PCDHA10: variants seen among roughly 807,000 people sequenced by gnomAD.
PCDHA10 encodes the protein protocadherin alpha-10.
Under a neutral mutation model 61.2 loss-of-function variants are expected in PCDHA10, and 45 were observed. The ratio of observed to expected loss-of-function variants is 0.74; its 90% CI spans 0.58 to 0.94. PCDHA10 has a LOEUF of 0.94. PCDHA10 is among the 40% of genes least tolerant of loss of function. PCDHA10 has a pLI of 0.00. For synonymous variants in PCDHA10, 602 were observed against 548.8 expected (o/e 1.10, Z -1.35); for missense variants, 1,278 against 1,236.2 (o/e 1.03, Z -0.51).
chr5:140,856,807 T>G lies in PCDHA10; in HGVS notation c.759T>G (p.Asn253Lys). The change falls in exon 1 of 4, where the codon AAT (asparagine) becomes AAG (lysine). Residue 253 changes from asparagine (N) to lysine (K), a missense_variant. By Grantham distance (94) the Asn-to-Lys change is moderately conservative (BLOSUM62 0). Transcript: ENST00000307360. Reference sequence around the variant, plus strand: ...TTTATGAAGTTAAGATGTATGAAAATCAAGTGAACCAAACATTAGTAATAC... The same window carrying G: ...TTTATGAAGTTAAGATGTATGAAAAGCAAGTGAACCAAACATTAGTAATAC... ...RPVYEVKMYE[N>K]QVNQTLVIRL... 1 of 1,594,936 alleles carries G rather than the reference T, an allele frequency of 6.3e-7. No individual in the cohort carries two copies. Among genetic ancestry groups the G allele is most frequent in the African/African-American group, 1.3e-5 (1 of 74,230 alleles).
At chr5:140,966,490 T>G (rs533525977) in intron 1 of PCDHA10, 2 of 437,964 alleles carry the variant, frequency 4.6e-6, no homozygotes, top group Non-Finnish European at 7.9e-6. Flanking sequence ...TCCCTCCCCC[T>G]GGAGCTGTAG....
At chr5:140,878,806 G>A (rs1413152690) in intron 1 of PCDHA10, among the ~76,000 whole-genome samples, 1 of 152,144 alleles carries the variant, frequency 6.6e-6, no homozygotes, top group African/African-American at 2.4e-5. Context: ...AAAAACATAT[G>A]GGGGTCTTGC....
intron 1 of PCDHA10, among the ~76,000 whole-genome samples, chr5:140,881,772 C>A (rs1253242879): frequency 6.6e-6 from 1 of 152,200 alleles, no homozygotes; most frequent in Admixed American, 6.5e-5. Context: ...CATGACTATG[C>A]AGAACTACCG....
Position 140,857,282 on chromosome 5 carries a change from C to T in PCDHA10, c.1234C>T (p.Leu412=). ...CTACTCATTGGTGCTGGACAGCGCT[C>T]TGGACCGCGAGAGGGTGTCGGCCTA... ...NYYSLVLDSA[L]DRERVSAYEL... is the part of the protein sequence containing the mutation. The change falls in exon 1 of 4, where the codon CTG becomes TTG. Residue 412 remains leucine, a synonymous_variant. Transcript: ENST00000307360. 6.3e-7 allele frequency: 1 copy of T among 1,598,744 alleles called. No homozygotes were observed. The highest frequency in any genetic ancestry group is 8.6e-7 in the Non-Finnish European group (1 of 1,168,058).
chr5:140,962,512 AATAAT>A (rs2095688598), intron 1 of PCDHA10, among the ~76,000 whole-genome samples: 1 of 152,184 alleles, frequency 6.6e-6, no homozygotes, highest in Admixed American at 6.5e-5. Flanking sequence ...GCCAACTATC[AATAAT>A]ATATTAGTTT....
rs186179297 is a variant in PCDHA10, at chr5:140,987,139, G to A, written c.2536+4576G>A. Among the ~76,000 whole-genome samples the A allele has an allele frequency of 5.1e-4, 78 of 151,932 alleles. 3 individuals are homozygous for A. The East Asian group carries it at 0.014, about 28-fold the overall frequency. On this transcript the variant is annotated intron_variant, in intron 3 of 3. Transcript: ENST00000307360. The stretch of plus-strand genomic sequence containing the variant: ...TGAGGCAGGAGAATTGCTTGAACTC[G>A]GGAGGTGGAGGTTGCAGTGAGCTGA...
intron 1 of PCDHA10, among the ~76,000 whole-genome samples, chr5:140,938,877 ACACACACACACACAGATGCG>A (rs1350432569): frequency 6.6e-6 from 1 of 150,854 alleles, no homozygotes; most frequent in Non-Finnish European, 1.5e-5. Flanking sequence ...TTAAGAAGCA[ACACACACACACACAGATGCG>A]CACACACACA....
intron 3 of PCDHA10, among the ~76,000 whole-genome samples, chr5:140,999,763 T>C (rs1475737646): frequency 2.0e-5 from 3 of 152,200 alleles, no homozygotes; most frequent in African/African-American, 7.2e-5. Flanking sequence ...ACATGATGTC[T>C]TTATACTCTT....
Position 140,938,847 on chromosome 5 carries a change from T to C in PCDHA10, c.2389-40102T>C, listed in dbSNP as rs371783438. 4.6e-5 allele frequency among the ~76,000 whole-genome samples: 7 copies of C among 152,194 alleles called. No individual in the cohort carries two copies. The South Asian group carries it at 6.2e-4, about 14-fold the overall frequency. ...GTTTGCGTTATAACAAACCTGCCCA[T>C]GTACCCCTGAACTTAAAAGTTAAGA... On this transcript the variant is annotated intron_variant, in intron 1 of 3. Transcript: ENST00000307360.
intron 1 of PCDHA10, chr5:140,967,530 C>T: frequency 6.2e-7 from 1 of 1,613,178 alleles, no homozygotes; most frequent in Non-Finnish European, 8.5e-7. Flanking sequence ...GACAACTCTC[C>T]TGCCTTTGAC....
At chr5:140,988,761 A>G (rs1320753301) in intron 3 of PCDHA10, among the ~76,000 whole-genome samples, 1 of 152,218 alleles carries the variant, frequency 6.6e-6, no homozygotes, top group Non-Finnish European at 1.5e-5. Context: ...TGGGCAGAAT[A>G]CAGTCATGGT....
At position 140,917,332 on chromosome 5, in the gene PCDHA10, G is replaced by T. The variant is rs182473611; in HGVS notation, c.2388+58896G>T. Among the ~76,000 whole-genome samples the T allele has an allele frequency of 8.2e-3, 1,196 of 145,640 alleles. 67 individuals carry two copies. The highest frequency in any genetic ancestry group is 0.021 in the African/African-American group (776 of 37,840). On this transcript the variant is annotated intron_variant, in intron 1 of 3. Transcript: ENST00000307360. ...ATTTGGTGTTCATGTGGCGGGGGAG[G>T]GGGGGGATGGTGTAGGCTTCTGTTC... is the stretch of plus-strand genomic sequence containing the variant.
intron 1 of PCDHA10, among the ~76,000 whole-genome samples, chr5:140,932,800 C>A (rs1041924506): frequency 6.6e-6 from 1 of 151,684 alleles, no homozygotes; most frequent in Non-Finnish European, 1.5e-5. Context: ...AAAAGCAATA[C>A]CTTGGAAACA....
At position 140,876,399 on chromosome 5, in the gene PCDHA10, T is replaced by C. The variant is rs141337647; in HGVS notation, c.2388+17963T>C. The C allele has an allele frequency of 1.9e-4, 306 of 1,613,906 alleles. 1 individual carries two copies. In the African/African-American group the frequency reaches 3.4e-3, roughly 18 times the overall value. On this transcript the variant is annotated intron_variant, in intron 1 of 3. Transcript: ENST00000307360. Reference sequence around the variant, plus strand: ...AAATTAGAATTTATGGTGAACTGGATTTTGAAGAGAATAATGCCTATGAAA... The same window carrying C: ...AAATTAGAATTTATGGTGAACTGGACTTTGAAGAGAATAATGCCTATGAAA...
intron 2 of PCDHA10, among the ~76,000 whole-genome samples, chr5:140,980,721 A>G (rs1219290542): frequency 3.9e-5 from 6 of 152,202 alleles, no homozygotes; most frequent in African/African-American, 1.2e-4. Flanking sequence ...TTCGGGTTTC[A>G]ATTAAGATAT....
chr5:140,858,784 T>C (rs1554152015), intron 1 of PCDHA10: 8 of 401,650 alleles, frequency 2.0e-5, no homozygotes, highest in Non-Finnish European at 3.6e-5. Context: ...TACTTCATGT[T>C]ATTTCATTTC....
intron 3 of PCDHA10, among the ~76,000 whole-genome samples, chr5:141,008,156 G>A (rs1231186640): frequency 6.6e-6 from 1 of 152,150 alleles, no homozygotes; most frequent in Non-Finnish European, 1.5e-5. Context: ...GGTTTGATAA[G>A]ATGAGGACTA....
At chr5:140,958,921 G>A (rs269549) in intron 1 of PCDHA10, among the ~76,000 whole-genome samples, 34,177 of 150,822 alleles carry the variant, frequency 0.23, 4,980 homozygotes, top group African/African-American at 0.42. Context: ...GCCTGGGTGT[G>A]GTGGCTCATA....
At chr5:140,924,395 G>C (rs919795787) in intron 1 of PCDHA10, among the ~76,000 whole-genome samples, 1 of 152,024 alleles carries the variant, frequency 6.6e-6, no homozygotes, top group East Asian at 1.9e-4. Context: ...TACTTATATT[G>C]CCTTATATCA....
Sources: gnomAD v4.1 joint callset for allele counts (sites outside exome capture counted in the v4.1 genomes callset) on GRCh38, gnomAD v4.1.1 for gene constraint, MANE v1.5 for transcripts, NCBI Gene and HGNC (gene_info 2026-07-23, HGNC 2026-07-21) for gene names.